Variants in GALNT13 observed in about 807,000 individuals in gnomAD.
GALNT13 encodes UDP-GalNAc:polypeptide N-acetylgalactosaminyltransferase 13.
A neutral mutation model predicts 64.2 loss-of-function variants in GALNT13; 28 were observed. The observed-to-expected ratio is 0.44, with a 90% CI of 0.32 to 0.60. The LOEUF is 0.60. GALNT13 is among the 20% of genes least tolerant of loss of function. The pLI is 0.05. For missense variants in GALNT13, 577 were observed against 669.8 expected, an observed-to-expected ratio of 0.86 and a Z score of 1.53; for synonymous variants, 214 against 224.6, an observed-to-expected ratio of 0.95 and a Z score of 0.42.
At chr2:153,218,416 T>G in the GALNT13 span, among the ~76,000 whole-genome samples, 1 of 152,294 alleles carries the variant, frequency 6.6e-6, no homozygotes, top group Admixed American at 6.5e-5. Flanking sequence ...TCTTAGTCGT[T>G]AAGAGGTTTT....
chr2:154,002,981 T>C (rs1345098600), intron 3 of GALNT13, among the ~76,000 whole-genome samples: 1 of 152,158 alleles, frequency 6.6e-6, no homozygotes, highest in Admixed American at 6.6e-5. Flanking sequence ...ATTTAATTGG[T>C]AACCTTTTAG....
chr2:153,631,736 A>G, the GALNT13 span, among the ~76,000 whole-genome samples: 2 of 152,114 alleles, frequency 1.3e-5, no homozygotes, highest in Admixed American at 6.5e-5. Context: ...GGTTGCAAAA[A>G]TGTTCTCCCA....
the GALNT13 span, among the ~76,000 whole-genome samples, chr2:153,617,944 G>A: frequency 6.6e-6 from 1 of 151,190 alleles, no homozygotes; most frequent in Non-Finnish European, 1.5e-5. Context: ...AGTTATTTGG[G>A]TTTGTCAATT....
At chr2:153,981,781 G>A (rs951676444) in intron 3 of GALNT13, among the ~76,000 whole-genome samples, 6 of 152,100 alleles carry the variant, frequency 3.9e-5, no homozygotes, top group African/African-American at 1.4e-4. Context: ...TATCTCCTTT[G>A]GCTTTCAGAA....
At chr2:154,048,369 G>A (rs1699397231) in intron 3 of GALNT13, among the ~76,000 whole-genome samples, 1 of 152,126 alleles carries the variant, frequency 6.6e-6, no homozygotes, top group Non-Finnish European at 1.5e-5. Context: ...ATTGCCAAAT[G>A]TACTCTGGGG....
the GALNT13 span, among the ~76,000 whole-genome samples, chr2:153,434,547 T>A: frequency 6.6e-6 from 1 of 152,192 alleles, no homozygotes; most frequent in Non-Finnish European, 1.5e-5. Flanking sequence ...TGGTATCTCA[T>A]TGTGGTTTTG....
intron 9 of GALNT13, among the ~76,000 whole-genome samples, chr2:154,333,830 A>T (rs1308956908): frequency 6.6e-6 from 1 of 152,056 alleles, no homozygotes; most frequent in Non-Finnish European, 1.5e-5. Flanking sequence ...TAGTAGTTCT[A>T]CTAAATCTGC....
chr2:153,924,848 G>A (rs1186893186), intron 2 of GALNT13, among the ~76,000 whole-genome samples: 2 of 152,044 alleles, frequency 1.3e-5, no homozygotes, highest in Admixed American at 6.6e-5. Context: ...TTGGCCACAT[G>A]TATGTTTTCT....
intron 1 of GALNT13, among the ~76,000 whole-genome samples, chr2:153,881,970 G>GT (rs1383124001): frequency 6.6e-5 from 10 of 152,040 alleles, no homozygotes; most frequent in East Asian, 3.9e-4. Context: ...TGGCTCTTGG[G>GT]TTTTTTTCAT....
At chr2:154,112,481 ATCACT>A (rs1703042022) in intron 3 of GALNT13, among the ~76,000 whole-genome samples, 1 of 152,214 alleles carries the variant, frequency 6.6e-6, no homozygotes. Context: ...ACAGTTTTTG[ATCACT>A]TGGAGAGGTC....
chr2:153,990,964 T>A (rs981937027), intron 3 of GALNT13, among the ~76,000 whole-genome samples: 1 of 152,154 alleles, frequency 6.6e-6, no homozygotes, highest in African/African-American at 2.4e-5. Flanking sequence ...TGACTTTCAT[T>A]TGGGATGGGT....
intron 3 of GALNT13, among the ~76,000 whole-genome samples, chr2:154,113,127 G>A (rs1188772786): frequency 6.6e-6 from 1 of 152,154 alleles, no homozygotes. Context: ...CCCAGTAACA[G>A]GTCTAGAGCT....
intron 4 of GALNT13, among the ~76,000 whole-genome samples, chr2:154,192,325 A>G (rs983302079): frequency 1.3e-5 from 2 of 152,088 alleles, no homozygotes; most frequent in Non-Finnish European, 2.9e-5. Flanking sequence ...GAGAAATCCA[A>G]CATCTGGGTG....
At chr2:153,209,066 C>T in the GALNT13 span, among the ~76,000 whole-genome samples, 1 of 144,116 alleles carries the variant, frequency 6.9e-6, no homozygotes. Context: ...GCAAACTCTG[C>T]CTCCCGGTTC....
At chr2:153,639,662 G>GA in the GALNT13 span, among the ~76,000 whole-genome samples, 1 of 152,134 alleles carries the variant, frequency 6.6e-6, no homozygotes, top group Non-Finnish European at 1.5e-5. Flanking sequence ...CATTCCATCG[G>GA]AAAAACTCAC....
At chr2:153,432,478 C>A in the GALNT13 span, among the ~76,000 whole-genome samples, 1 of 152,152 alleles carries the variant, frequency 6.6e-6, no homozygotes, top group African/African-American at 2.4e-5. Context: ...AATGTGAGCA[C>A]CTTTTCAGAA....
the GALNT13 span, chr2:153,761,936 G>A: frequency 5.4e-6 from 1 of 184,386 alleles, no homozygotes; most frequent in Admixed American, 5.1e-5. Flanking sequence ...ATATCTCCTG[G>A]CTCCAATCCT....
At chr2:154,120,932 C>T (rs1025223799) in intron 3 of GALNT13, among the ~76,000 whole-genome samples, 6 of 152,016 alleles carry the variant, frequency 3.9e-5, no homozygotes, top group Non-Finnish European at 8.8e-5. Flanking sequence ...AGTATTCTTG[C>T]CATTCTGTTT....
At chr2:153,306,652 C>T in the GALNT13 span, among the ~76,000 whole-genome samples, 32,439 of 152,094 alleles carry the variant, frequency 0.21, 3,611 homozygotes, top group Middle Eastern at 0.34. Context: ...ACCCTATATG[C>T]GATTTTTGTG....
Sources: gnomAD v4.1 joint callset for allele counts (sites outside exome capture counted in the v4.1 genomes callset) on GRCh38, gnomAD v4.1.1 for gene constraint, MANE v1.5 for transcripts, NCBI Gene and HGNC (gene_info 2026-07-23, HGNC 2026-07-21) for gene names.